MREG: variants seen among roughly 807,000 people sequenced by gnomAD.
MREG encodes the protein melanoregulin, also known as dilute suppressor protein homolog.
A neutral mutation model predicts 28.5 loss-of-function variants in MREG; 31 were observed. The ratio of observed to expected loss-of-function variants is 1.09; its 90% CI spans 0.82 to 1.47. MREG has a LOEUF of 1.47. Among genes scored for constraint, MREG ranks in the 40% most tolerant of loss-of-function variants. MREG has a pLI of 0.00. For missense variants in MREG, 256 were observed against 257.4 expected, an observed-to-expected ratio of 0.99 and a Z score of 0.04; for synonymous variants, 106 against 95.2, an observed-to-expected ratio of 1.11 and a Z score of -0.66.
intron 1 of MREG, among the ~76,000 whole-genome samples, chr2:216,010,354 CTTTTTTT>C (rs1164326774): frequency 3.2e-5 from 3 of 94,370 alleles, no homozygotes; most frequent in East Asian, 6.4e-4. Context: ...AAAGATTTCT[CTTTTTTT>C]TTTTTTTTTT....
intron 1 of MREG, among the ~76,000 whole-genome samples, chr2:216,019,041 G>A (rs62181268): frequency 0.028 from 4,261 of 152,324 alleles, 157 homozygotes; most frequent in African/African-American, 0.087. Context: ...GCATCTTGAA[G>A]AGCAGACCCA....
At chr2:215,995,630 T>C (rs1387737492) in intron 2 of MREG, among the ~76,000 whole-genome samples, 1 of 151,980 alleles carries the variant, frequency 6.6e-6, no homozygotes, top group Non-Finnish European at 1.5e-5. Context: ...AGGTAGCTGA[T>C]GAACACAGAA....
chr2:215,996,388 T>C lies in MREG; in HGVS notation c.173A>G (p.Asp58Gly). 1.9e-6 allele frequency: 3 copies of C among 1,613,722 alleles called. No individual in the cohort carries two copies. Among genetic ancestry groups the C allele is most frequent in the Middle Eastern group, 1.6e-4 (1 of 6,062 alleles). ...DEKNLWSMPH[D>G]VSHTEADDDR... ...GTCGTCTGCCTCTGTGTGGGACACA[T>C]CATGGGGCATACTCCATAAATTCTT... is the stretch of plus-strand genomic sequence containing the variant. The change falls in exon 2 of 5, where the codon GAT becomes GGT. Residue 58 changes from aspartate (D) to glycine (G), a missense_variant. Coordinates refer to ENST00000263268, the MANE Select transcript of MREG (RefSeq NM_018000.3).
chr2:215,944,123 G>T lies in MREG; in HGVS notation c.*740C>A, dbSNP rs1692257252. 6.6e-6 allele frequency: 1 copy of T among 151,676 alleles called. No homozygotes were observed. Among genetic ancestry groups the T allele is most frequent in the Non-Finnish European group, 1.5e-5 (1 of 68,048 alleles). 9.4% of individuals were successfully genotyped at this position (151,676 alleles called of 1,614,324 possible). On this transcript the variant is annotated 3_prime_UTR_variant, in exon 5 of 5. Coordinates refer to ENST00000263268, the MANE Select transcript of MREG (RefSeq NM_018000.3). ...GCCTCCTGGGTAGCTGGGATTACAA[G>T]CGCGTGCCATCACACCTGGCTAATT...
At chr2:215,960,116 C>T (rs1398108844) in intron 2 of MREG, among the ~76,000 whole-genome samples, 2 of 152,098 alleles carry the variant, frequency 1.3e-5, no homozygotes, top group Admixed American at 6.5e-5. Flanking sequence ...CCACCATGCC[C>T]AGCTAATTTT....
At chr2:215,966,389 C>A (rs898435183) in intron 2 of MREG, among the ~76,000 whole-genome samples, 1 of 152,068 alleles carries the variant, frequency 6.6e-6, no homozygotes, top group Non-Finnish European at 1.5e-5. Flanking sequence ...TCTCAAATTA[C>A]CTATATTCTT....
At chr2:215,966,774 G>A (rs780247549) in intron 2 of MREG, among the ~76,000 whole-genome samples, 6 of 151,952 alleles carry the variant, frequency 3.9e-5, no homozygotes, top group Admixed American at 1.3e-4. Flanking sequence ...GCTAATTTTT[G>A]TATTTTTAGT....
chr2:216,002,419 G>A (rs1037522406), intron 1 of MREG, among the ~76,000 whole-genome samples: 1 of 152,156 alleles, frequency 6.6e-6, no homozygotes, highest in African/African-American at 2.4e-5. Context: ...AAGGCTCCAC[G>A]AAATACAGTG....
chr2:216,013,279 C>G lies in MREG; in HGVS notation c.49G>C (p.Glu17Gln). 6.5e-7 allele frequency: 1 copy of G among 1,549,852 alleles called. No individual in the cohort carries two copies. Among genetic ancestry groups the G allele is most frequent in the Non-Finnish European group, 8.7e-7 (1 of 1,146,706 alleles). The change falls in exon 1 of 5, where the codon GAG becomes CAG. Residue 17 changes from glutamate to glutamine, a missense_variant. Transcript: ENST00000263268. Reference protein sequence around the residue: ...LRTVCCCCGCECLEERALPEK... With the variant: ...LRTVCCCCGCQCLEERALPEK... ...GGCAGGGCGCGCTCCTCCAAGCACTCGCACCCGCAGCAGCAGCACACGGTT... is the reference window on the plus strand; with the variant it reads ...GGCAGGGCGCGCTCCTCCAAGCACTGGCACCCGCAGCAGCAGCACACGGTT...
At chr2:215,975,671 C>T (rs1455697736) in intron 2 of MREG, among the ~76,000 whole-genome samples, 2 of 152,122 alleles carry the variant, frequency 1.3e-5, no homozygotes, top group Non-Finnish European at 2.9e-5. Flanking sequence ...GGTTTCTGTA[C>T]CTTCAGTCAG....
At chr2:215,982,629 A>T (rs1046648494) in intron 2 of MREG, among the ~76,000 whole-genome samples, 1 of 152,114 alleles carries the variant, frequency 6.6e-6, no homozygotes, top group African/African-American at 2.4e-5. Flanking sequence ...TGTCTACTCG[A>T]GGCAGGAAGC....
intron 1 of MREG, among the ~76,000 whole-genome samples, chr2:216,007,246 T>A (rs1157488050): frequency 2.6e-5 from 4 of 152,136 alleles, no homozygotes; most frequent in Admixed American, 1.3e-4. Flanking sequence ...ATACTAGTGA[T>A]GTTTCCAAGG....
At chr2:215,952,532 T>G (rs1278294670) in intron 2 of MREG, among the ~76,000 whole-genome samples, 1 of 152,204 alleles carries the variant, frequency 6.6e-6, no homozygotes, top group African/African-American at 2.4e-5. Flanking sequence ...AGTTTGTAGA[T>G]AAATGGGATT....
At chr2:216,000,805 T>G (rs1012127582) in intron 1 of MREG, among the ~76,000 whole-genome samples, 1 of 152,170 alleles carries the variant, frequency 6.6e-6, no homozygotes, top group Non-Finnish European at 1.5e-5. Flanking sequence ...TTTTAAAAAT[T>G]TCCCTAAAGC....
At chr2:215,963,381 G>C (rs1017480543) in intron 2 of MREG, among the ~76,000 whole-genome samples, 28 of 145,858 alleles carry the variant, frequency 1.9e-4, no homozygotes, top group Admixed American at 3.5e-4. Flanking sequence ...AGTAGGCCGA[G>C]ATCGTGATCA....
In MREG at chr2:216,013,436, G is replaced by A. The variant is rs1191275082; in HGVS notation, c.-109C>T. On this transcript the variant is annotated 5_prime_UTR_variant, in exon 1 of 5. Coordinates refer to ENST00000263268, the MANE Select transcript of MREG (RefSeq NM_018000.3). ...GCCAGCGTCCAGGTGCGGGGACAGC[G>A]GCAGCCCGGGCGTCGCGGGCTGGTC... The A allele has an allele frequency of 4.6e-6, 3 of 646,408 alleles. No homozygotes were observed. The highest frequency in any genetic ancestry group is 6.4e-6 in the Non-Finnish European group (3 of 472,084). 40.0% of individuals were successfully genotyped at this position (646,408 alleles called of 1,614,324 possible).
At chr2:215,951,821 C>T (rs1040422196) in intron 2 of MREG, among the ~76,000 whole-genome samples, 1 of 152,174 alleles carries the variant, frequency 6.6e-6, no homozygotes, top group Non-Finnish European at 1.5e-5. Flanking sequence ...TTTCAATCCC[C>T]GGGAGCTGAC....
At chr2:215,963,775 T>C (rs186514563) in intron 2 of MREG, among the ~76,000 whole-genome samples, 1 of 152,244 alleles carries the variant, frequency 6.6e-6, no homozygotes, top group East Asian at 1.9e-4. Flanking sequence ...CATCCCCCTT[T>C]TAGTCCTTTA....
chr2:216,023,514 G>T (rs1046404409), intron 1 of MREG, among the ~76,000 whole-genome samples: 2 of 152,056 alleles, frequency 1.3e-5, no homozygotes, highest in Non-Finnish European at 1.5e-5. Context: ...TTTGATTATT[G>T]TATTACTATT....
Sources: gnomAD v4.1 joint callset for allele counts (sites outside exome capture counted in the v4.1 genomes callset) on GRCh38, gnomAD v4.1.1 for gene constraint, MANE v1.5 for transcripts, NCBI Gene and HGNC (gene_info 2026-07-23, HGNC 2026-07-21) for gene names.